Variants in GSK3B observed in about 807,000 individuals in gnomAD.
GSK3B encodes the protein glycogen synthase kinase-3 beta.
GSK3B carries 15 observed loss-of-function variants against 56.4 expected under a neutral mutation model. The ratio of observed to expected loss-of-function variants is 0.27; its 90% CI spans 0.18 to 0.41. The LOEUF is 0.41. Ranked by LOEUF, GSK3B falls within the 10% of genes least tolerant of loss-of-function variation. The probability of loss-of-function intolerance (pLI) is 1.00; values close to 1 mark genes in which losing one functional copy is unlikely to be tolerated. For synonymous variants in GSK3B, 181 were observed against 188.9 expected (o/e 0.96, Z 0.34); for missense variants, 300 against 513.4 (o/e 0.58, Z 4.02).
In GSK3B at chr3:120,031,738, T is replaced by C. The variant is rs1194931979; in HGVS notation, c.89-29499A>G. 3.3e-5 allele frequency among the ~76,000 whole-genome samples: 5 copies of C among 152,254 alleles called. No individual in the cohort carries two copies. The East Asian group carries it at 9.6e-4, about 29-fold the overall frequency. ...AAGCCTATACTCTTTCCACTACTTC[T>C]TAAGCAACCAGCCCTAAGTAAGTAT... is the stretch of plus-strand genomic sequence containing the variant. On this transcript the variant is annotated intron_variant, in intron 1 of 10. Transcript: ENST00000264235.
At chr3:119,999,093 T>C (rs959381117) in intron 2 of GSK3B, among the ~76,000 whole-genome samples, 1 of 152,312 alleles carries the variant, frequency 6.6e-6, no homozygotes, top group East Asian at 1.9e-4. Flanking sequence ...TAGCTATCAA[T>C]TGAACAATGG....
At chr3:119,995,332 G>A (rs2057605314) in intron 2 of GSK3B, among the ~76,000 whole-genome samples, 1 of 151,364 alleles carries the variant, frequency 6.6e-6, no homozygotes, top group Admixed American at 6.6e-5. Flanking sequence ...GATCTCACCT[G>A]AAAAAAATAA....
chr3:119,842,692 G>C (rs1034915891), intron 10 of GSK3B, among the ~76,000 whole-genome samples: 1 of 151,874 alleles, frequency 6.6e-6, no homozygotes. Flanking sequence ...TCCTGGCCTC[G>C]AGTGATCCTC....
intron 7 of GSK3B, among the ~76,000 whole-genome samples, chr3:119,896,200 T>C (rs1218979538): frequency 2.0e-5 from 3 of 152,072 alleles, no homozygotes; most frequent in African/African-American, 7.2e-5. Context: ...CATTCTTTTC[T>C]TACTAAATAA....
At chr3:120,061,334 AT>A (rs1470114020) in intron 1 of GSK3B, among the ~76,000 whole-genome samples, 1 of 152,228 alleles carries the variant, frequency 6.6e-6, no homozygotes, top group African/African-American at 2.4e-5. Flanking sequence ...CGGGATTATA[AT>A]TTACTAAATA....
intron 9 of GSK3B, among the ~76,000 whole-genome samples, chr3:119,844,848 G>A (rs1318212518): frequency 6.6e-6 from 1 of 152,166 alleles, no homozygotes; most frequent in Non-Finnish European, 1.5e-5. Flanking sequence ...ACCTGGCAGA[G>A]ACACAAGAAA....
intron 2 of GSK3B, among the ~76,000 whole-genome samples, chr3:119,997,383 C>A (rs1217224811): frequency 6.6e-6 from 1 of 152,112 alleles, no homozygotes; most frequent in East Asian, 1.9e-4. Flanking sequence ...TGGAGGAAGA[C>A]TCCCATTCCC....
At chr3:119,834,913 T>C (rs1165074571) in intron 10 of GSK3B, among the ~76,000 whole-genome samples, 3 of 152,208 alleles carry the variant, frequency 2.0e-5, no homozygotes, top group Non-Finnish European at 2.9e-5. Context: ...GTGAGAATAA[T>C]GACTAAGCTG....
intron 1 of GSK3B, among the ~76,000 whole-genome samples, chr3:120,046,719 AC>A (rs1466576472): frequency 2.6e-5 from 4 of 152,074 alleles, no homozygotes; most frequent in African/African-American, 9.7e-5. Context: ...AGCAACTCTT[AC>A]GTCTCAGCCA....
chr3:119,834,644 C>G (rs953385984), intron 10 of GSK3B, among the ~76,000 whole-genome samples: 19 of 151,860 alleles, frequency 1.3e-4, no homozygotes, highest in Admixed American at 7.9e-4. Flanking sequence ...TTTCACTGTT[C>G]CTTTAAGTTA....
chr3:119,989,513 C>G (rs1391736519), intron 2 of GSK3B, among the ~76,000 whole-genome samples: 1 of 151,842 alleles, frequency 6.6e-6, no homozygotes, highest in Non-Finnish European at 1.5e-5. Context: ...GGCGTACAGG[C>G]AGGCGCCTGT....
intron 9 of GSK3B, among the ~76,000 whole-genome samples, chr3:119,853,731 T>C (rs924033528): frequency 2.0e-5 from 3 of 152,176 alleles, no homozygotes; most frequent in African/African-American, 4.8e-5. Context: ...TTGTCTGTTA[T>C]TGGTGTATAA....
At chr3:119,965,548 C>T (rs2057311409) in intron 2 of GSK3B, among the ~76,000 whole-genome samples, 1 of 151,612 alleles carries the variant, frequency 6.6e-6, no homozygotes, top group Non-Finnish European at 1.5e-5. Flanking sequence ...AAAAAGAATA[C>T]TTAATCAAAT....
chr3:119,928,288 G>C (rs968678305), intron 3 of GSK3B, among the ~76,000 whole-genome samples: 3 of 152,128 alleles, frequency 2.0e-5, no homozygotes, highest in African/African-American at 7.2e-5. Flanking sequence ...AAGCTAAGTA[G>C]ACATAGGTAG....
At chr3:119,937,113 T>C (rs747128442) in intron 3 of GSK3B, among the ~76,000 whole-genome samples, 2 of 152,098 alleles carry the variant, frequency 1.3e-5, no homozygotes, top group Non-Finnish European at 2.9e-5. Context: ...TGTGTGGAAA[T>C]TGAACAATTC....
At position 119,822,928 on chromosome 3, in the gene GSK3B, A is replaced by G. The variant is rs191981565; in HGVS notation, c.*3860T>C. Reference sequence around the variant, plus strand: ...AAATAGATGAAATGCCAGTGTCTTCATATCCACAGGGATAGAGAATACTCC... The same window carrying G: ...AAATAGATGAAATGCCAGTGTCTTCGTATCCACAGGGATAGAGAATACTCC... On this transcript the variant is annotated 3_prime_UTR_variant, in exon 11 of 11. Coordinates refer to ENST00000264235, the MANE Select transcript of GSK3B (RefSeq NM_001146156.2). 8.7e-6 allele frequency: 2 copies of G among 229,176 alleles called. No homozygotes were observed. The highest frequency in any genetic ancestry group is 1.1e-4 in the Admixed American group (2 of 17,646). The allele number at this position is 229,176 out of a possible 1,614,324, so 14.2% of individuals were successfully genotyped here.
intron 1 of GSK3B, among the ~76,000 whole-genome samples, chr3:120,044,725 T>A (rs1291031838): frequency 6.6e-6 from 1 of 152,158 alleles, no homozygotes; most frequent in Admixed American, 6.5e-5. Flanking sequence ...AGAGATGCTG[T>A]CAAAGGAATA....
chr3:119,825,428 G>C lies in GSK3B; in HGVS notation c.*1360C>G, dbSNP rs1438450460. 4.4e-6 allele frequency: 1 copy of C among 229,856 alleles called. No homozygotes were observed. The highest frequency in any genetic ancestry group is 8.6e-6 in the Non-Finnish European group (1 of 116,160). The allele number at this position is 229,856 out of a possible 1,614,324, so 14.2% of individuals were successfully genotyped here. A position where few individuals can be genotyped will look rare whatever the true frequency, so the allele number is the denominator to read the frequency against. On this transcript the variant is annotated 3_prime_UTR_variant, in exon 11 of 11. Transcript: ENST00000264235. ...CACAAAAACTCTTAACTGGGTGTGGGGGAAACATTCTTCTCATGCTTCAAC... is the reference window on the plus strand; with the variant it reads ...CACAAAAACTCTTAACTGGGTGTGGCGGAAACATTCTTCTCATGCTTCAAC...
chr3:120,090,928 C>G (rs775247906), intron 1 of GSK3B, among the ~76,000 whole-genome samples: 1 of 152,078 alleles, frequency 6.6e-6, no homozygotes, highest in African/African-American at 2.4e-5. Context: ...TGATTATTGT[C>G]TCTCATGCAA....
Sources: allele counts gnomAD v4.1 joint callset (sites outside exome capture counted in the v4.1 genomes callset), GRCh38; gene constraint gnomAD v4.1.1; transcripts MANE v1.5; gene names NCBI Gene and HGNC (gene_info 2026-07-23, HGNC 2026-07-21).